The following RIIAD1 variants were observed in gnomAD, a reference collection of about 807,000 sequenced individuals.
RIIAD1 encodes the protein RIIa domain-containing protein 1.
RIIAD1 carries 15 observed loss-of-function variants against 13.3 expected under a neutral mutation model. The observed-to-expected ratio is 1.13, with a 90% CI of 0.76 to 1.74. The LOEUF is 1.74. Ranked by LOEUF, RIIAD1 falls within the 40% of genes most tolerant of loss-of-function variation. The probability of loss-of-function intolerance (pLI) is 0.00; values close to 1 mark genes in which losing one functional copy is unlikely to be tolerated. For missense variants in RIIAD1, 121 were observed against 112.2 expected (o/e 1.08, Z -0.35); for synonymous variants, 50 against 43.3 (o/e 1.16, Z -0.61).
At chr1:151,716,950 C>A, upstream of RIIAD1, 1 of 348,512 alleles carries the variant, frequency 2.9e-6, no homozygotes, top group Non-Finnish European at 6.1e-6. Context: ...TCTCCATCCT[C>A]CCTGACTCCC....
At position 151,727,501 on chromosome 1, in the gene RIIAD1, A is replaced by G. The variant is rs1468163741; in HGVS notation, c.162-74A>G. On this transcript the variant is annotated intron_variant, in intron 2 of 4. Transcript: ENST00000479191. Reference sequence around the variant, plus strand: ...GTCTCAGGTTCATCTGTGAAAGTACAGGACCTGAAACAGTAGCCACAGCCT... The same window carrying G: ...GTCTCAGGTTCATCTGTGAAAGTACGGGACCTGAAACAGTAGCCACAGCCT... 1.0e-5 allele frequency: 10 copies of G among 964,240 alleles called. No individual in the cohort carries two copies. The African/African-American group carries it at 1.3e-4, about 13-fold the overall frequency. 59.7% of individuals were successfully genotyped at this position (964,240 alleles called of 1,614,324 possible).
chr1:151,725,088 A>G lies in RIIAD1; in HGVS notation c.162-2487A>G, dbSNP rs988691870. Among the ~76,000 whole-genome samples, 25 of 144,332 alleles carry G rather than the reference A, an allele frequency of 1.7e-4. 1 individual carries two copies. The highest frequency in any genetic ancestry group is 7.1e-5 in the Admixed American group (1 of 14,148). The allele number at this position is 144,332 out of a possible 152,430, so 94.7% of individuals were successfully genotyped here. On this transcript the variant is annotated intron_variant, in intron 2 of 4. Transcript: ENST00000479191. Reference sequence around the variant, plus strand: ...CTCCCAAAGTGCTGGGATTACAGGCATGAGCCACCGCACCTCGCCTTTTTT... The same window carrying G: ...CTCCCAAAGTGCTGGGATTACAGGCGTGAGCCACCGCACCTCGCCTTTTTT...
upstream of RIIAD1, among the ~76,000 whole-genome samples, chr1:151,720,506 G>GT (rs759431890): frequency 2.0e-5 from 3 of 152,206 alleles, no homozygotes; most frequent in African/African-American, 4.8e-5. Flanking sequence ...ACTTCTTGTG[G>GT]TTTTCCCTGG....
upstream of RIIAD1, chr1:151,716,850 CA>C (rs1558115171): frequency 4.3e-6 from 2 of 460,612 alleles, no homozygotes; most frequent in Non-Finnish European, 9.0e-6. Context: ...TTTCCCCTGA[CA>C]TCAGTGATGT....
At chr1:151,724,566 G>T (rs989079471) in intron 2 of RIIAD1, among the ~76,000 whole-genome samples, 1 of 152,180 alleles carries the variant, frequency 6.6e-6, no homozygotes, top group Non-Finnish European at 1.5e-5. Context: ...GCTCTGAAGG[G>T]TTCTTTCTGG....
At chr1:151,716,309 G>A in intron 4 of RIIAD1, 1 of 402,622 alleles carries the variant, frequency 2.5e-6, no homozygotes, top group Non-Finnish European at 4.5e-6. Flanking sequence ...CCCAGGATGG[G>A]GGTGAGTATG....
At chr1:151,714,692 G>C (rs1411963393) in intron 4 of RIIAD1, 1 of 1,547,618 alleles carries the variant, frequency 6.5e-7, no homozygotes, top group Non-Finnish European at 8.8e-7. Flanking sequence ...GAGGGGCAGG[G>C]GCAGAGAAAC....
chr1:151,719,780 C>A, upstream of RIIAD1: 2 of 627,198 alleles, frequency 3.2e-6, no homozygotes, highest in South Asian at 3.7e-5. Context: ...GCATTTGGGT[C>A]ATAGGATGTG....
At chr1:151,724,664 C>T (rs947074049) in intron 2 of RIIAD1, among the ~76,000 whole-genome samples, 14 of 152,286 alleles carry the variant, frequency 9.2e-5, no homozygotes, top group Admixed American at 3.9e-4. Flanking sequence ...GTAAATACAG[C>T]GTACCAAACT....
rs1192583810 is a variant in RIIAD1, at chr1:151,727,602, C to T, written c.189C>T (p.Asn63=). The change falls in exon 3 of 5, where the codon AAC becomes AAT. Residue 63 remains asparagine, a synonymous_variant. Transcript: ENST00000479191. ...FREIFLKRPD[N]ILEFAADYFT... is the part of the protein sequence containing the mutation. ...AAATATTTTTGAAAAGACCAGACAACATCCTAGAATTTGCTGCAGGTGAGT... is the reference window on the plus strand; with the variant it reads ...AAATATTTTTGAAAAGACCAGACAATATCCTAGAATTTGCTGCAGGTGAGT... 1.3e-6 allele frequency: 2 copies of T among 1,550,430 alleles called. No homozygotes were observed. Among genetic ancestry groups the T allele is most frequent in the Non-Finnish European group, 8.7e-7 (1 of 1,145,878 alleles).
chr1:151,720,947 G>A (rs191651850), upstream of RIIAD1, among the ~76,000 whole-genome samples: 53 of 152,316 alleles, frequency 3.5e-4, no homozygotes, highest in Non-Finnish European at 6.6e-4. Context: ...TGAAGAGAAA[G>A]TTAATCTACA....
At chr1:151,718,151 C>T (rs1279034069), upstream of RIIAD1, among the ~76,000 whole-genome samples, 1 of 152,144 alleles carries the variant, frequency 6.6e-6, no homozygotes, top group Non-Finnish European at 1.5e-5. Flanking sequence ...TGAGCTATCA[C>T]GGCAGGCAGG....
intron 3 of RIIAD1, 101 bp from the exon 4 acceptor site, chr1:151,728,665 C>A: frequency 1.4e-6 from 1 of 728,522 alleles, no homozygotes; most frequent in South Asian, 1.5e-5. Context: ...TCCTGCGTAC[C>A]AAGCCATCCT....
At chr1:151,721,980 G>T in intron 1 of RIIAD1, 106 bp from the exon 2 acceptor site, 1 of 762,470 alleles carries the variant, frequency 1.3e-6, no homozygotes, top group East Asian at 2.7e-5. Flanking sequence ...CCTGGGGAAA[G>T]ACTTGGGTTA....
exon 4 of RIIAD1, chr1:151,714,481 T>A: frequency 1.3e-6 from 1 of 777,176 alleles, no homozygotes; most frequent in African/African-American, 1.7e-5. Context: ...AGAGGGGGAC[T>A]TCCTGGTGAT....
chr1:151,725,362 G>A (rs1266401229), intron 2 of RIIAD1, among the ~76,000 whole-genome samples: 3 of 152,002 alleles, frequency 2.0e-5, no homozygotes, highest in East Asian at 1.9e-4. Context: ...TGCCTGCCTC[G>A]GCCTCCCAAA....
At chr1:151,715,994 C>A in intron 4 of RIIAD1, 4 of 1,613,848 alleles carry the variant, frequency 2.5e-6, no homozygotes, top group Non-Finnish European at 3.4e-6. Context: ...GCCCCACAAA[C>A]AGCTTGATGG....
chr1:151,719,837 C>G (rs573113778), upstream of RIIAD1: 5 of 588,432 alleles, frequency 8.5e-6, no homozygotes, highest in East Asian at 1.4e-4. Flanking sequence ...AAGAAGATCA[C>G]AGATTGGCAG....
intron 2 of RIIAD1, 87 bp from the exon 3 acceptor site, chr1:151,727,488 T>G (rs1327837111): frequency 3.6e-6 from 3 of 843,120 alleles, no homozygotes; most frequent in Non-Finnish European, 6.0e-6. Flanking sequence ...CTCAGGTTCA[T>G]CTGTGAAAGT....
Sources: gnomAD v4.1 joint callset for allele counts (sites outside exome capture counted in the v4.1 genomes callset) on GRCh38, gnomAD v4.1.1 for gene constraint, MANE v1.5 for transcripts, NCBI Gene and HGNC (gene_info 2026-07-23, HGNC 2026-07-21) for gene names.